Variants in SLAMF1 observed in about 807,000 individuals in gnomAD.
SLAMF1 encodes signaling lymphocytic activation molecule.
SLAMF1 carries 18 observed loss-of-function variants against 35.1 expected under a neutral mutation model. The ratio of observed to expected loss-of-function variants is 0.51; its 90% CI spans 0.35 to 0.76. The LOEUF (loss-of-function observed/expected upper bound fraction) is 0.76, where lower values mean the gene tolerates loss of function less well. Among genes scored for constraint, SLAMF1 ranks in the 30% least tolerant of loss-of-function variants. SLAMF1 has a pLI of 0.01. For synonymous variants in SLAMF1, 168 were observed against 157.2 expected (o/e 1.07, Z -0.51); for missense variants, 392 against 413.0 (o/e 0.95, Z 0.44).
chr1:160,637,986 A>G (rs1660544610), intron 1 of SLAMF1, among the ~76,000 whole-genome samples: 2 of 152,180 alleles, frequency 1.3e-5, no homozygotes, highest in South Asian at 2.1e-4. Context: ...AGCATTTCAG[A>G]TCATGAGGAA....
intron 6 of SLAMF1, 78 bp downstream of exon 6, chr1:160,612,410 T>TAAAAAAA: frequency 1.3e-6 from 1 of 780,080 alleles, no homozygotes; most frequent in Non-Finnish European, 2.0e-6. Flanking sequence ...CTTCCCACCT[T>TAAAAAAA]AAAAAAAAAA....
intron 1 of SLAMF1, among the ~76,000 whole-genome samples, chr1:160,640,353 T>C (rs1274994901): frequency 7.6e-6 from 1 of 131,710 alleles, no homozygotes; most frequent in African/African-American, 2.9e-5. Context: ...TATATATATA[T>C]ATATATACAC....
intron 1 of SLAMF1, among the ~76,000 whole-genome samples, chr1:160,639,268 C>G (rs1480815969): frequency 1.3e-5 from 2 of 152,122 alleles, no homozygotes; most frequent in Non-Finnish European, 2.9e-5. Flanking sequence ...TGCTGTCGCC[C>G]AGGCTGGAGT....
At chr1:160,621,197 C>A (rs1317023530) in intron 4 of SLAMF1, among the ~76,000 whole-genome samples, 2 of 152,158 alleles carry the variant, frequency 1.3e-5, no homozygotes, top group South Asian at 4.1e-4. Flanking sequence ...CAGGCAGAGG[C>A]AATGGAGGCT....
At position 160,609,344 on chromosome 1, in the gene SLAMF1, CA is replaced by C. The variant is rs1293653992; in HGVS notation, c.*1403del. The C allele has an allele frequency of 6.6e-6, 1 of 152,150 alleles. No individual in the cohort carries two copies. Among genetic ancestry groups the C allele is most frequent in the Non-Finnish European group, 1.5e-5 (1 of 68,028 alleles). The allele number at this position is 152,150 out of a possible 1,614,324, so 9.4% of individuals were successfully genotyped here. On this transcript the variant is annotated 3_prime_UTR_variant, in exon 7 of 7. Transcript: ENST00000302035. Reference sequence around the variant, plus strand: ...AGGTTCCTTTTCTACATAAAAAAGCCAAAGCCAGCTTCTGTTGATTGCAACT... The same window carrying C: ...AGGTTCCTTTTCTACATAAAAAAGCCAAGCCAGCTTCTGTTGATTGCAACT...
At chr1:160,611,638 T>C (rs1487190539) in intron 6 of SLAMF1, among the ~76,000 whole-genome samples, 1 of 152,232 alleles carries the variant, frequency 6.6e-6, no homozygotes, top group African/African-American at 2.4e-5. Context: ...TTTATTTCTA[T>C]TCATTCAGTA....
In SLAMF1 at chr1:160,647,004, C is replaced by T; in HGVS notation, c.-59G>A. On this transcript the variant is annotated 5_prime_UTR_variant, in exon 1 of 7. Transcript: ENST00000302035. ...GAGCCTGGCAGCTGCTCACAGATGC[C>T]AGGCAGAAGCAAGCTTCGTGTCATG... 1.2e-6 allele frequency: 1 copy of T among 861,268 alleles called. No homozygotes were observed. The highest frequency in any genetic ancestry group is 2.0e-6 in the Non-Finnish European group (1 of 508,750). The allele number at this position is 861,268 out of a possible 1,614,324, so 53.4% of individuals were successfully genotyped here.
chr1:160,609,736 T>A lies in SLAMF1; in HGVS notation c.*1012A>T, dbSNP rs1658879528. On this transcript the variant is annotated 3_prime_UTR_variant, in exon 7 of 7. Transcript: ENST00000302035. ...GTTAGACCAAAATAACTTAATTTTC[T>A]ACTAGAGGATAAATTTAGTGTGAGG... is the stretch of plus-strand genomic sequence containing the variant. 6.6e-6 allele frequency: 1 copy of A among 152,250 alleles called. No homozygotes were observed. The highest frequency in any genetic ancestry group is 1.5e-5 in the Non-Finnish European group (1 of 68,052). 9.4% of individuals were successfully genotyped at this position (152,250 alleles called of 1,614,324 possible).
chr1:160,635,934 T>A (rs1358341629), intron 2 of SLAMF1, among the ~76,000 whole-genome samples: 4 of 152,060 alleles, frequency 2.6e-5, no homozygotes, highest in African/African-American at 9.7e-5. Context: ...ATTTTATAGA[T>A]GAGAAAGCCA....
At chr1:160,643,286 T>G (rs1213478418) in intron 1 of SLAMF1, among the ~76,000 whole-genome samples, 6 of 152,204 alleles carry the variant, frequency 3.9e-5, no homozygotes. Flanking sequence ...TGGCAAGTCC[T>G]GGGACTTGAC....
At chr1:160,612,391 C>T in intron 6 of SLAMF1, 97 bp downstream of exon 6, 1 of 715,464 alleles carries the variant, frequency 1.4e-6, no homozygotes, top group Non-Finnish European at 2.4e-6. Flanking sequence ...TTTCCCTGAT[C>T]CTCTCCCTCT....
chr1:160,629,254 C>T (rs979410258), intron 3 of SLAMF1, among the ~76,000 whole-genome samples: 1 of 151,938 alleles, frequency 6.6e-6, no homozygotes, highest in Non-Finnish European at 1.5e-5. Context: ...AGCCAGAGGG[C>T]GTTTTTTTTC....
chr1:160,629,675 G>A (rs1660067758), intron 3 of SLAMF1, among the ~76,000 whole-genome samples: 1 of 152,126 alleles, frequency 6.6e-6, no homozygotes, highest in East Asian at 1.9e-4. Flanking sequence ...ACCCAGCATT[G>A]CAGAGGCTAC....
intron 3 of SLAMF1, among the ~76,000 whole-genome samples, chr1:160,631,388 T>A (rs751693183): frequency 5.3e-5 from 8 of 152,204 alleles, no homozygotes; most frequent in Admixed American, 5.2e-4. Context: ...CAAATTCATA[T>A]GTTGATTTCC....
intron 3 of SLAMF1, among the ~76,000 whole-genome samples, chr1:160,627,350 A>C (rs1659936491): frequency 1.3e-5 from 2 of 152,222 alleles, no homozygotes; most frequent in Admixed American, 1.3e-4. Context: ...GCCAGAGACC[A>C]TCTCTTACAC....
In SLAMF1 at chr1:160,637,173, G is replaced by A. The variant is rs1180341347; in HGVS notation, c.415+18C>T. 6.3e-7 allele frequency: 1 copy of A among 1,594,390 alleles called. No individual in the cohort carries two copies. The highest frequency in any genetic ancestry group is 2.2e-5 in the East Asian group (1 of 44,766). Reference sequence around the variant, plus strand: ...ACCTTGGCCCTTTAGTGTGGACTGGGGAAGCCGCCATTATTACCATAAAGC... The same window carrying A: ...ACCTTGGCCCTTTAGTGTGGACTGGAGAAGCCGCCATTATTACCATAAAGC... On this transcript the variant is annotated intron_variant, in intron 2 of 6. Coordinates refer to ENST00000302035, the MANE Select transcript of SLAMF1 (RefSeq NM_003037.5).
At chr1:160,634,392 C>T in intron 3 of SLAMF1, 1 of 984,864 alleles carries the variant, frequency 1.0e-6, no homozygotes, top group Non-Finnish European at 1.2e-6. Flanking sequence ...TCTCTATCAC[C>T]TCCTGTTGGT....
At chr1:160,620,397 C>A (rs1293642747) in intron 4 of SLAMF1, among the ~76,000 whole-genome samples, 1 of 152,108 alleles carries the variant, frequency 6.6e-6, no homozygotes, top group Non-Finnish European at 1.5e-5. Flanking sequence ...GATGTTCCAC[C>A]TGGGACTATT....
intron 3 of SLAMF1, among the ~76,000 whole-genome samples, chr1:160,625,536 G>T (rs943455342): frequency 9.2e-5 from 14 of 152,298 alleles, no homozygotes; most frequent in African/African-American, 3.4e-4. Context: ...GATTTGAAAA[G>T]ATTCTTTTTC....
Sources: gnomAD v4.1 joint callset for allele counts (sites outside exome capture counted in the v4.1 genomes callset) on GRCh38, gnomAD v4.1.1 for gene constraint, MANE v1.5 for transcripts, NCBI Gene and HGNC (gene_info 2026-07-23, HGNC 2026-07-21) for gene names.